MB21D2: variants seen among roughly 807,000 people sequenced by gnomAD.
The protein encoded by MB21D2 is Mab-21 domain containing 2.
A neutral mutation model predicts 33.3 loss-of-function variants in MB21D2; 9 were observed. The observed-to-expected ratio is 0.27, with a 90% CI of 0.16 to 0.47. The LOEUF is 0.47. MB21D2 is among the 20% of genes least tolerant of loss of function. The pLI, the probability that MB21D2 is intolerant of heterozygous loss-of-function variation, is 0.99. For synonymous variants in MB21D2, 241 were observed against 236.3 expected (o/e 1.02, Z -0.18); for missense variants, 540 against 624.6 (o/e 0.86, Z 1.44).
At chr3:192,901,297 C>T (rs1259429457) in intron 1 of MB21D2, among the ~76,000 whole-genome samples, 2 of 150,170 alleles carry the variant, frequency 1.3e-5, no homozygotes, top group African/African-American at 2.5e-5. Flanking sequence ...CGGCCGGGAG[C>T]GGTGGCTCAT....
In MB21D2 at chr3:192,835,804, T is replaced by C. The variant is rs907461042; in HGVS notation, c.212-36154A>G. On this transcript the variant is annotated intron_variant, in intron 1 of 1. Transcript: ENST00000392452. Reference sequence around the variant, plus strand: ...ATCCTAGAATTCATGGTGAAAAACCTGACCTCCTTTGGAAGATCAAGAAGA... The same window carrying C: ...ATCCTAGAATTCATGGTGAAAAACCCGACCTCCTTTGGAAGATCAAGAAGA... 2.6e-4 allele frequency among the ~76,000 whole-genome samples: 39 copies of C among 150,984 alleles called. 1 individual carries two copies. Among genetic ancestry groups the C allele is most frequent in the Non-Finnish European group, 5.9e-5 (4 of 67,890 alleles).
chr3:192,816,203 G>A (rs1001529401), intron 1 of MB21D2, among the ~76,000 whole-genome samples: 6 of 140,762 alleles, frequency 4.3e-5, no homozygotes, highest in African/African-American at 1.4e-4. Flanking sequence ...GCAAAAAGAC[G>A]AGAGGACAAT....
At chr3:192,888,077 G>A (rs145910824) in intron 1 of MB21D2, among the ~76,000 whole-genome samples, 34 of 152,136 alleles carry the variant, frequency 2.2e-4, no homozygotes, top group African/African-American at 5.5e-4. Context: ...CTGCTCCTCC[G>A]TTCTGGGAAA....
intron 1 of MB21D2, among the ~76,000 whole-genome samples, chr3:192,808,392 G>T (rs576196241): frequency 6.6e-6 from 1 of 152,164 alleles, no homozygotes; most frequent in African/African-American, 2.4e-5. Flanking sequence ...CTGAAAAATG[G>T]AAAATTCAAA....
intron 1 of MB21D2, among the ~76,000 whole-genome samples, chr3:192,876,298 G>A (rs1369560353): frequency 6.6e-6 from 1 of 152,142 alleles, no homozygotes; most frequent in Non-Finnish European, 1.5e-5. Flanking sequence ...ACAGAAACAT[G>A]GCTGTCATCT....
intron 1 of MB21D2, among the ~76,000 whole-genome samples, chr3:192,826,778 T>C (rs1210997316): frequency 1.3e-5 from 2 of 152,166 alleles, no homozygotes; most frequent in Non-Finnish European, 2.9e-5. Flanking sequence ...GAGCACTTTT[T>C]TCTAGACACA....
At chr3:192,823,245 T>C (rs1712098056) in intron 1 of MB21D2, among the ~76,000 whole-genome samples, 1 of 152,230 alleles carries the variant, frequency 6.6e-6, no homozygotes, top group African/African-American at 2.4e-5. Flanking sequence ...TTTTAATTCA[T>C]GTCATACAAA....
At chr3:192,812,768 C>G (rs570799146) in intron 1 of MB21D2, among the ~76,000 whole-genome samples, 2 of 152,292 alleles carry the variant, frequency 1.3e-5, no homozygotes, top group South Asian at 4.1e-4. Context: ...ACAACCTCAT[C>G]AGGGAAGCAG....
At chr3:192,884,659 A>ATG in intron 1 of MB21D2, among the ~76,000 whole-genome samples, 1 of 151,974 alleles carries the variant, frequency 6.6e-6, no homozygotes, top group Non-Finnish European at 1.5e-5. Flanking sequence ...GAGCCATCGC[A>ATG]CCCGGCCAGA....
intron 1 of MB21D2, among the ~76,000 whole-genome samples, chr3:192,819,203 G>A (rs989886655): frequency 6.7e-6 from 1 of 149,898 alleles, no homozygotes; most frequent in Non-Finnish European, 1.5e-5. Context: ...TGTTTACAGA[G>A]TATCTGCTAA....
chr3:192,815,492 C>T (rs1450819262), intron 1 of MB21D2, among the ~76,000 whole-genome samples: 1 of 152,210 alleles, frequency 6.6e-6, no homozygotes, highest in Non-Finnish European at 1.5e-5. Flanking sequence ...AAAATTGAGT[C>T]TGCCTCTCTC....
intron 1 of MB21D2, among the ~76,000 whole-genome samples, chr3:192,900,012 C>T (rs1448015805): frequency 1.3e-5 from 2 of 152,054 alleles, no homozygotes; most frequent in African/African-American, 4.8e-5. Context: ...AGGCCAGGCA[C>T]AGTGGCTCAC....
chr3:192,857,277 T>C (rs1216620534), intron 1 of MB21D2, among the ~76,000 whole-genome samples: 2 of 152,220 alleles, frequency 1.3e-5, no homozygotes, highest in Non-Finnish European at 2.9e-5. Flanking sequence ...TATTCTGAAA[T>C]GGCATAATGT....
At chr3:192,908,640 G>A (rs540308914) in intron 1 of MB21D2, among the ~76,000 whole-genome samples, 6 of 151,530 alleles carry the variant, frequency 4.0e-5, no homozygotes, top group East Asian at 2.0e-4. Context: ...GGATGGTCTC[G>A]ATCTCCTGAC....
Position 192,819,361 on chromosome 3 carries a change from C to A in MB21D2, c.212-19711G>T, listed in dbSNP as rs541965383. ...CTGAATCCAAAACACTGGCTTTTCA[C>A]GGCAAGGGTGGTTTCCAAACCTAGC... On this transcript the variant is annotated intron_variant, in intron 1 of 1. Transcript: ENST00000392452. Among the ~76,000 whole-genome samples, 16 of 152,316 alleles carry A rather than the reference C, an allele frequency of 1.1e-4. No individual in the cohort carries two copies. The South Asian group carries it at 2.3e-3, about 22-fold the overall frequency.
At chr3:192,863,984 A>G (rs1346393942) in intron 1 of MB21D2, among the ~76,000 whole-genome samples, 1 of 152,092 alleles carries the variant, frequency 6.6e-6, no homozygotes, top group Admixed American at 6.6e-5. Context: ...GGACTAAGAC[A>G]CTCCCCACCA....
At chr3:192,819,477 G>T (rs990386196) in intron 1 of MB21D2, among the ~76,000 whole-genome samples, 1 of 152,292 alleles carries the variant, frequency 6.6e-6, no homozygotes, top group African/African-American at 2.4e-5. Context: ...AGTCAAGTGA[G>T]CAGAACCTGG....
chr3:192,874,224 G>A (rs139869292), intron 1 of MB21D2, among the ~76,000 whole-genome samples: 18 of 152,226 alleles, frequency 1.2e-4, no homozygotes, highest in African/African-American at 4.3e-4. Context: ...TTACTGGGCT[G>A]TACATAAAAA....
At chr3:192,871,952 A>G (rs1234250416) in intron 1 of MB21D2, among the ~76,000 whole-genome samples, 2 of 152,184 alleles carry the variant, frequency 1.3e-5, no homozygotes, top group Non-Finnish European at 2.9e-5. Flanking sequence ...GCTGAAACAG[A>G]AAAACCACCG....
Sources: allele counts gnomAD v4.1 joint callset (sites outside exome capture counted in the v4.1 genomes callset), GRCh38; gene constraint gnomAD v4.1.1; transcripts MANE v1.5; gene names NCBI Gene and HGNC (gene_info 2026-07-23, HGNC 2026-07-21).